Variants in NRG3 observed in about 807,000 individuals in gnomAD.
The protein encoded by NRG3 is pro-neuregulin-3, membrane-bound isoform.
A neutral mutation model predicts 66.9 loss-of-function variants in NRG3; 31 were observed. The ratio of observed to expected loss-of-function variants is 0.46; its 90% CI spans 0.35 to 0.63. The LOEUF is 0.63. Ranked by LOEUF, NRG3 falls within the 20% of genes least tolerant of loss-of-function variation. The pLI is 0.00. For missense variants in NRG3, 910 were observed against 878.9 expected, an observed-to-expected ratio of 1.04 and a Z score of -0.45; for synonymous variants, 393 against 359.4, an observed-to-expected ratio of 1.09 and a Z score of -1.06.
intron 1 of NRG3, among the ~76,000 whole-genome samples, chr10:82,150,526 C>CAAAAAAAAAAAAAAAAAAAAAAAAAG (rs2070637635): frequency 5.8e-5 from 1 of 17,152 alleles, no homozygotes; most frequent in Non-Finnish European, 1.8e-4. Flanking sequence ...AAAAAGAGCA[C>CAAAAAAAAAAAAAAAAAAAAAAAAAG]ACACAAAAAA....
chr10:82,480,185 G>T (rs1842151054), intron 2 of NRG3, among the ~76,000 whole-genome samples: 1 of 152,188 alleles, frequency 6.6e-6, no homozygotes, highest in Non-Finnish European at 1.5e-5. Context: ...ATTAGTGGTT[G>T]TCTAGGATTG....
At chr10:82,952,149 G>A (rs185752348) in intron 5 of NRG3, among the ~76,000 whole-genome samples, 3 of 152,208 alleles carry the variant, frequency 2.0e-5, no homozygotes, top group South Asian at 2.1e-4. Flanking sequence ...AGAAATAGAT[G>A]TAGGCCAGGT....
At chr10:82,298,793 T>A (rs574428247) in intron 1 of NRG3, among the ~76,000 whole-genome samples, 8 of 152,176 alleles carry the variant, frequency 5.3e-5, no homozygotes, top group Admixed American at 2.0e-4. Context: ...CTCTGGGATA[T>A]GATATAGTGG....
At chr10:82,263,434 T>TG (rs1427271823) in intron 1 of NRG3, among the ~76,000 whole-genome samples, 1 of 152,232 alleles carries the variant, frequency 6.6e-6, no homozygotes, top group Non-Finnish European at 1.5e-5. Context: ...TCTTCCAGTG[T>TG]GCTAAGATTA....
intron 2 of NRG3, among the ~76,000 whole-genome samples, chr10:82,565,984 A>G (rs151263050): frequency 1.3e-5 from 2 of 152,188 alleles, no homozygotes; most frequent in East Asian, 1.9e-4. Flanking sequence ...CTTATTCGCC[A>G]TAGAGATGAT....
At chr10:82,821,748 G>T (rs1198518840) in intron 3 of NRG3, among the ~76,000 whole-genome samples, 2 of 152,080 alleles carry the variant, frequency 1.3e-5, no homozygotes, top group Non-Finnish European at 2.9e-5. Flanking sequence ...TAACTTCCCT[G>T]ACTACATTTT....
chr10:82,246,495 C>T (rs2077249593), intron 1 of NRG3, among the ~76,000 whole-genome samples: 1 of 152,126 alleles, frequency 6.6e-6, no homozygotes, highest in South Asian at 2.1e-4. Context: ...ACTTTTTTCA[C>T]TGAGATAAAT....
intron 2 of NRG3, among the ~76,000 whole-genome samples, chr10:82,632,071 C>T (rs916851435): frequency 7.9e-5 from 12 of 152,064 alleles, no homozygotes; most frequent in African/African-American, 2.9e-4. Context: ...CATTGCACCT[C>T]CAACCTGGGC....
intron 2 of NRG3, among the ~76,000 whole-genome samples, chr10:82,408,764 A>G (rs1196068669): frequency 6.6e-6 from 1 of 151,764 alleles, no homozygotes; most frequent in Non-Finnish European, 1.5e-5. Context: ...TACCATGATA[A>G]TAATAACGCA....
intron 2 of NRG3, among the ~76,000 whole-genome samples, chr10:82,704,114 A>G (rs1046444008): frequency 3.3e-5 from 5 of 152,066 alleles, no homozygotes; most frequent in Non-Finnish European, 7.4e-5. Context: ...AACTTCTATC[A>G]TTTGTTCCTT....
chr10:82,782,030 G>A lies in NRG3; in HGVS notation c.1027+43380G>A, dbSNP rs559213176. ...ATTGAGAAGCACTTTCAGATTTTTA[G>A]ATGTATCATCTTTTTCCACCTTGAA... On this transcript the variant is annotated intron_variant, in intron 3 of 8. Transcript: ENST00000372141. Among the ~76,000 whole-genome samples the A allele has an allele frequency of 2.0e-5, 3 of 152,164 alleles. No homozygotes were observed. The South Asian group carries it at 6.2e-4, about 32-fold the overall frequency.
At chr10:82,213,417 C>CT (rs2075502742) in intron 1 of NRG3, among the ~76,000 whole-genome samples, 6 of 152,166 alleles carry the variant, frequency 3.9e-5, no homozygotes. Context: ...ATAAAATTAT[C>CT]TTCTAGATTT....
intron 3 of NRG3, among the ~76,000 whole-genome samples, chr10:82,784,982 T>C (rs546780338): frequency 6.6e-6 from 1 of 152,162 alleles, no homozygotes; most frequent in Non-Finnish European, 1.5e-5. Context: ...TAGACTGGAT[T>C]AAGAAAATGT....
chr10:82,413,748 T>C (rs1367850256), intron 2 of NRG3, among the ~76,000 whole-genome samples: 1 of 152,212 alleles, frequency 6.6e-6, no homozygotes, highest in Non-Finnish European at 1.5e-5. Context: ...CTGTTCCTTC[T>C]ACATCAACAT....
At chr10:82,657,615 T>C (rs1464552689) in intron 2 of NRG3, among the ~76,000 whole-genome samples, 1 of 151,656 alleles carries the variant, frequency 6.6e-6, no homozygotes, top group Non-Finnish European at 1.5e-5. Context: ...ATATTCACCC[T>C]GGGGAAATAC....
Position 82,117,906 on chromosome 10 carries a change from C to T in NRG3, c.824-240833C>T, listed in dbSNP as rs149248513. Among the ~76,000 whole-genome samples, 977 of 152,276 alleles carry T rather than the reference C, an allele frequency of 6.4e-3. 3 individuals carry two copies. The highest frequency in any genetic ancestry group is 9.9e-3 in the Non-Finnish European group (672 of 68,020). On this transcript the variant is annotated intron_variant, in intron 1 of 8. Transcript: ENST00000372141. ...AGCCACACTGCCTGTGCTTACATTT[C>T]GCCTTCATTACTTGATCATTCAACC...
chr10:82,364,079 A>G (rs746481708), intron 2 of NRG3, among the ~76,000 whole-genome samples: 2 of 152,168 alleles, frequency 1.3e-5, no homozygotes, highest in Non-Finnish European at 2.9e-5. Flanking sequence ...TATATTACAC[A>G]TATATTTCAT....
At chr10:82,445,537 C>A (rs189702698) in intron 2 of NRG3, among the ~76,000 whole-genome samples, 2 of 152,114 alleles carry the variant, frequency 1.3e-5, no homozygotes, top group African/African-American at 4.8e-5. Flanking sequence ...GATTAAATGC[C>A]TTTCTCCCAC....
intron 2 of NRG3, among the ~76,000 whole-genome samples, chr10:82,605,954 A>C (rs1035254583): frequency 1.3e-5 from 2 of 152,038 alleles, no homozygotes; most frequent in Admixed American, 6.6e-5. Context: ...TAAATTAGCT[A>C]ATAATTTATC....
Sources: allele counts gnomAD v4.1 joint callset (sites outside exome capture counted in the v4.1 genomes callset), GRCh38; gene constraint gnomAD v4.1.1; transcripts MANE v1.5; gene names NCBI Gene and HGNC (gene_info 2026-07-23, HGNC 2026-07-21).